RNF214: variants seen among roughly 807,000 people sequenced by gnomAD.
RNF214 encodes the protein ring finger protein 214.
RNF214 carries 25 observed loss-of-function variants against 75.9 expected under a neutral mutation model. The observed-to-expected ratio is 0.33, with a 90% CI of 0.24 to 0.46. RNF214 has a LOEUF of 0.46. RNF214 is among the 20% of genes least tolerant of loss of function. The pLI, the probability that RNF214 is intolerant of heterozygous loss-of-function variation, is 1.00. For synonymous variants in RNF214, 314 were observed against 308.8 expected (o/e 1.02, Z -0.18); for missense variants, 725 against 857.5 (o/e 0.85, Z 1.93).
At chr11:117,271,341 A>G (rs1298885742) in intron 6 of RNF214, among the ~76,000 whole-genome samples, 1 of 152,160 alleles carries the variant, frequency 6.6e-6, no homozygotes, top group Non-Finnish European at 1.5e-5. Flanking sequence ...TTTGTCTCTT[A>G]TTTAGCAACA....
At chr11:117,283,931 A>G (rs2034185935) in intron 14 of RNF214, among the ~76,000 whole-genome samples, 1 of 152,154 alleles carries the variant, frequency 6.6e-6, no homozygotes, top group African/African-American at 2.4e-5. Context: ...TGCTGGGATT[A>G]CATGCGTGAG....
intron 6 of RNF214, among the ~76,000 whole-genome samples, chr11:117,265,244 C>A (rs2033770450): frequency 6.6e-6 from 1 of 151,790 alleles, no homozygotes; most frequent in Non-Finnish European, 1.5e-5. Flanking sequence ...TTAATTTGGT[C>A]GTCTTCTTCC....
chr11:117,280,783 C>G (rs936719214), intron 8 of RNF214, among the ~76,000 whole-genome samples: 3 of 151,978 alleles, frequency 2.0e-5, no homozygotes, highest in Non-Finnish European at 2.9e-5. Context: ...CTTGGAGGAC[C>G]CTTGTGGCAT....
At position 117,245,719 on chromosome 11, in the gene RNF214, C is replaced by G. The variant is rs1033501775; in HGVS notation, c.820-1090C>G. On this transcript the variant is annotated intron_variant, in intron 5 of 14. Coordinates refer to ENST00000300650, the MANE Select transcript of RNF214 (RefSeq NM_207343.4). ...TTATGCAGCTATTTTTGAATTAGAT[C>G]GATACTTATTGACAATACATTCATG... Among the ~76,000 whole-genome samples the G allele has an allele frequency of 3.4e-4, 52 of 151,894 alleles. 1 individual carries two copies. Among genetic ancestry groups the G allele is most frequent in the African/African-American group, 1.3e-3 (52 of 41,344 alleles).
At chr11:117,245,033 G>A (rs984807653) in intron 5 of RNF214, among the ~76,000 whole-genome samples, 1 of 151,696 alleles carries the variant, frequency 6.6e-6, no homozygotes, top group Non-Finnish European at 1.5e-5. Context: ...AAATAAAAAG[G>A]CAAGGCGGGG....
At chr11:117,257,454 GTTGGAATTC>G (rs1370003036) in intron 6 of RNF214, among the ~76,000 whole-genome samples, 6 of 152,168 alleles carry the variant, frequency 3.9e-5, no homozygotes, top group African/African-American at 4.8e-5. Flanking sequence ...TAACATCACC[GTTGGAATTC>G]TTGTTCTCAA....
chr11:117,280,763 T>C (rs1204208901), intron 8 of RNF214, among the ~76,000 whole-genome samples: 2 of 152,190 alleles, frequency 1.3e-5, no homozygotes, highest in Admixed American at 1.3e-4. Flanking sequence ...ATTTTCTTTC[T>C]GCCATGGAAC....
At position 117,238,585 on chromosome 11, in the gene RNF214, C is replaced by T. The variant is rs373055036; in HGVS notation, c.108-16C>T. 3.2e-6 allele frequency: 5 copies of T among 1,586,460 alleles called. No homozygotes were observed. The highest frequency in any genetic ancestry group is 4.3e-6 in the Non-Finnish European group (5 of 1,167,858). On this transcript the variant is annotated splice_polypyrimidine_tract_variant and intron_variant, in intron 2 of 14. Transcript: ENST00000300650. ...AAGTATTATATACTTTTCTTTTTAT[C>T]TTGTGTGTTTGATAGCACCAAAGAC...
chr11:117,239,815 A>G lies in RNF214; in HGVS notation c.633A>G (p.Thr211=). 3 of 1,562,814 alleles carry G rather than the reference A, an allele frequency of 1.9e-6. No homozygotes were observed. The South Asian group carries it at 3.3e-5, about 17-fold the overall frequency. ...QNIAVQTDFK[T]ADSEVNTDQD... ...TTCCTTTATAGACTGACTTTAAGACAGCTGATTCAGAGGTAAACACAGATC... is the reference window on the plus strand; with the variant it reads ...TTCCTTTATAGACTGACTTTAAGACGGCTGATTCAGAGGTAAACACAGATC... Residue 211 remains threonine (T), a synonymous_variant, in exon 4 of 15, where the codon ACA becomes ACG. Coordinates refer to ENST00000300650, the MANE Select transcript of RNF214 (RefSeq NM_207343.4).
chr11:117,241,361 C>G (rs1326942663), intron 4 of RNF214, among the ~76,000 whole-genome samples: 2 of 151,928 alleles, frequency 1.3e-5, no homozygotes, highest in Non-Finnish European at 2.9e-5. Context: ...GCGGGTAGAT[C>G]ACGAGGTCAA....
intron 4 of RNF214, 87 bp from the exon 5 acceptor site, chr11:117,244,358 G>T: frequency 9.2e-7 from 1 of 1,085,076 alleles, no homozygotes; most frequent in Non-Finnish European, 1.4e-6. Flanking sequence ...CGGTCATAGA[G>T]CTCTATACAA....
intron 6 of RNF214, among the ~76,000 whole-genome samples, chr11:117,251,530 A>AC (rs373374181): frequency 2.5e-4 from 16 of 63,308 alleles, no homozygotes; most frequent in African/African-American, 8.0e-4. Context: ...CGGGGGGCTG[A>AC]CCCCCCCACC....
At chr11:117,263,521 G>T (rs1164594233) in intron 6 of RNF214, among the ~76,000 whole-genome samples, 2 of 152,032 alleles carry the variant, frequency 1.3e-5, no homozygotes, top group African/African-American at 4.8e-5. Context: ...TGATCCACCC[G>T]CCTCGGCCTC....
At chr11:117,244,651 T>A (rs1007401845) in intron 5 of RNF214, 66 bp downstream of exon 5, 25 of 1,207,982 alleles carry the variant, frequency 2.1e-5, no homozygotes, top group African/African-American at 3.3e-5. Context: ...TTTAATTTTT[T>A]AAAAAACTTT....
rs2134424133 is a variant in RNF214, at chr11:117,283,135, A to G, written c.1971A>G (p.Leu657=). ...RSSHAPATCK[L]CLMCQKLVQP... ...TACAGGCTCCAGCCACCTGTAAGCTATGTCTAATGTGCCAGAAACTCGTCC... is the reference window on the plus strand; with the variant it reads ...TACAGGCTCCAGCCACCTGTAAGCTGTGTCTAATGTGCCAGAAACTCGTCC... Residue 657 remains leucine, a synonymous_variant, in exon 14 of 15, where the codon CTA becomes CTG. Transcript: ENST00000300650. 1.2e-6 allele frequency: 2 copies of G among 1,613,994 alleles called. No individual in the cohort carries two copies. Among genetic ancestry groups the G allele is most frequent in the Non-Finnish European group, 1.7e-6 (2 of 1,179,892 alleles).
intron 6 of RNF214, among the ~76,000 whole-genome samples, chr11:117,255,056 C>A (rs953807903): frequency 6.6e-6 from 1 of 152,142 alleles, no homozygotes; most frequent in Non-Finnish European, 1.5e-5. Flanking sequence ...TTAGTAGAGA[C>A]AAGGTTTCAC....
intron 14 of RNF214, among the ~76,000 whole-genome samples, chr11:117,284,636 A>T (rs1315954630): frequency 6.6e-6 from 1 of 152,208 alleles, no homozygotes; most frequent in East Asian, 1.9e-4. Context: ...GCCATTGAAT[A>T]GCCCTTCTTG....
intron 8 of RNF214, among the ~76,000 whole-genome samples, chr11:117,281,101 A>G (rs191981560): frequency 6.6e-6 from 1 of 150,600 alleles, no homozygotes; most frequent in East Asian, 2.0e-4. Context: ...CAGCCTGCCA[A>G]GTAGCTGGGA....
intron 6 of RNF214, among the ~76,000 whole-genome samples, chr11:117,275,880 C>G (rs1332499694): frequency 1.3e-5 from 2 of 152,150 alleles, no homozygotes; most frequent in African/African-American, 4.8e-5. Context: ...CTCTCTAACT[C>G]ATTCTACAAA....
Sources: gnomAD v4.1 joint callset for allele counts (sites outside exome capture counted in the v4.1 genomes callset) on GRCh38, gnomAD v4.1.1 for gene constraint, MANE v1.5 for transcripts, NCBI Gene and HGNC (gene_info 2026-07-23, HGNC 2026-07-21) for gene names.